Variants in CD48 observed in about 807,000 individuals in gnomAD.
CD48 encodes the protein CD48 molecule.
Under a neutral mutation model 22.0 loss-of-function variants are expected in CD48, and 20 were observed. That is an observed-to-expected ratio of 0.91 (90% CI 0.64 to 1.32). The LOEUF is 1.32. Among genes scored for constraint, CD48 ranks in the 40% most tolerant of loss-of-function variants. CD48 has a pLI of 0.00. For missense variants in CD48, 307 were observed against 286.5 expected, an observed-to-expected ratio of 1.07 and a Z score of -0.52; for synonymous variants, 110 against 110.1, an observed-to-expected ratio of 1.00 and a Z score of 0.01.
intron 3 of CD48, chr1:160,680,469 G>A (rs1226709035): frequency 5.9e-6 from 3 of 508,972 alleles, no homozygotes; most frequent in Non-Finnish European, 7.6e-6. Context: ...ATGACTTGGG[G>A]AAGCTAAGTA....
At position 160,693,962 on chromosome 1, in the gene CD48, A is replaced by G. The variant is rs368973329; in HGVS notation, c.83-8773T>C. Among the ~76,000 whole-genome samples, 5 of 152,376 alleles carry G rather than the reference A, an allele frequency of 3.3e-5. No homozygotes were observed. In the East Asian group the frequency reaches 7.7e-4, roughly 23 times the overall value. ...TGGCAGTGCAGCAGTAGATTTATGT[A>G]CTATACAAGCAGTCTCTCTGCTTCC... On this transcript the variant is annotated intron_variant, in intron 1 of 3. Coordinates refer to ENST00000368046, the MANE Select transcript of CD48 (RefSeq NM_001778.4).
chr1:160,694,141 G>T (rs1358570070), intron 1 of CD48, among the ~76,000 whole-genome samples: 2 of 152,202 alleles, frequency 1.3e-5, no homozygotes, highest in Admixed American at 6.5e-5. Flanking sequence ...AAATTCAATT[G>T]GTTATTAGCT....
intron 3 of CD48, chr1:160,680,754 C>T: frequency 1.9e-6 from 2 of 1,060,102 alleles, no homozygotes; most frequent in African/African-American, 1.7e-5. Flanking sequence ...GTCCCTCTTT[C>T]CCTGGCTGAC....
At chr1:160,690,947 G>A (rs543718784) in intron 1 of CD48, among the ~76,000 whole-genome samples, 1 of 152,158 alleles carries the variant, frequency 6.6e-6, no homozygotes, top group Non-Finnish European at 1.5e-5. Flanking sequence ...AACATGTGCT[G>A]TGTCAAACTC....
intron 1 of CD48, among the ~76,000 whole-genome samples, chr1:160,700,653 G>A (rs567506458): frequency 7.2e-5 from 11 of 152,166 alleles, no homozygotes; most frequent in African/African-American, 1.4e-4. Flanking sequence ...AAATCCTGGC[G>A]CTGTGGAGAT....
intron 2 of CD48, among the ~76,000 whole-genome samples, chr1:160,681,701 G>C (rs1558030147): frequency 6.6e-6 from 1 of 152,122 alleles, no homozygotes; most frequent in Non-Finnish European, 1.5e-5. Context: ...TCCTGGAGGG[G>C]GCGCCACAGT....
In CD48 at chr1:160,691,956, T is replaced by C. The variant is rs1662236935; in HGVS notation, c.83-6767A>G. The C allele has an allele frequency of 1.7e-5, 4 of 238,238 alleles. No homozygotes were observed. The Admixed American group carries it at 2.2e-4, about 13-fold the overall frequency. The allele number at this position is 238,238 out of a possible 1,614,324, so 14.8% of individuals were successfully genotyped here. A position where few individuals can be genotyped will look rare whatever the true frequency, so the allele number is the denominator to read the frequency against. ...CTTATCTTAGCTTCATTAAAATTCT[T>C]TTAAAAAGAGGGGGAGTTAGAGTAT... On this transcript the variant is annotated intron_variant, in intron 1 of 3. Transcript: ENST00000368046.
At chr1:160,711,550 C>A in intron 1 of CD48, 132 bp downstream of exon 1, 2 of 673,348 alleles carry the variant, frequency 3.0e-6, no homozygotes, top group Admixed American at 2.3e-5. Context: ...CATGGCCATG[C>A]TATTGGAATG....
At chr1:160,700,684 G>T (rs1446498367) in intron 1 of CD48, among the ~76,000 whole-genome samples, 1 of 152,130 alleles carries the variant, frequency 6.6e-6, no homozygotes, top group Non-Finnish European at 1.5e-5. Flanking sequence ...CCGCAACATA[G>T]AAATCAAGTT....
chr1:160,684,871 G>T lies in CD48; in HGVS notation c.385+16C>A. The T allele has an allele frequency of 6.2e-7, 1 of 1,613,864 alleles. No homozygotes were observed. Among genetic ancestry groups the T allele is most frequent in the South Asian group, 1.1e-5 (1 of 91,054 alleles). On this transcript the variant is annotated intron_variant, in intron 2 of 3. Coordinates refer to ENST00000368046, the MANE Select transcript of CD48 (RefSeq NM_001778.4). ...CCACTGGAGTGGGGATTTGCTCTTT[G>T]GCTCCCCTGACTCACCAAGCACTTG...
At chr1:160,688,761 C>T (rs1382249352) in intron 1 of CD48, among the ~76,000 whole-genome samples, 1 of 152,088 alleles carries the variant, frequency 6.6e-6, no homozygotes, top group African/African-American at 2.4e-5. Context: ...CCTTTATCTT[C>T]CCATTTTAAG....
At chr1:160,680,869 C>T in intron 3 of CD48, 2 of 1,353,280 alleles carry the variant, frequency 1.5e-6, no homozygotes, top group South Asian at 1.9e-5. Flanking sequence ...CTTCTCCCTG[C>T]TCACCCTGAT....
intron 3 of CD48, chr1:160,680,486 T>A: frequency 1.4e-6 from 1 of 710,262 alleles, no homozygotes. Flanking sequence ...AGTAACTTGT[T>A]TAGCTAGTAA....
chr1:160,681,502 G>A (rs752386470), intron 2 of CD48, 34 bp from the exon 3 acceptor site: 17 of 1,604,054 alleles, frequency 1.1e-5, no homozygotes, highest in South Asian at 7.8e-5. Flanking sequence ...AGATGAGACA[G>A]TGAGGCATTC....
At chr1:160,700,982 A>G (rs1195883799) in intron 1 of CD48, among the ~76,000 whole-genome samples, 3 of 151,982 alleles carry the variant, frequency 2.0e-5, no homozygotes, top group Admixed American at 6.6e-5. Context: ...CAATATAATG[A>G]TGAATATAGG....
chr1:160,701,235 G>GCATGCCAGA, intron 1 of CD48, among the ~76,000 whole-genome samples: 1 of 118,756 alleles, frequency 8.4e-6, no homozygotes, highest in African/African-American at 3.1e-5. Flanking sequence ...TTAAAGCCAG[G>GCATGCCAGA]TTGGACGGCC....
chr1:160,679,131 G>T lies in CD48; in HGVS notation c.653C>A (p.Ala218Asp), dbSNP rs1169775502. Residue 218 changes from alanine to aspartate, a missense_variant and splice_region_variant, in exon 4 of 4, where the codon GCC (alanine) becomes GAC (aspartate). Transcript: ENST00000368046. ...TVCLSPPCTLARSFGVEWIAS... is the reference protein window; with the variant it reads ...TVCLSPPCTLDRSFGVEWIAS... ...AATCCATTCTACTCCAAAGGACCGG[G>T]CTGAAAGAGCAAGAAAACCCTATAT... 6.2e-7 allele frequency: 1 copy of T among 1,613,800 alleles called. No individual in the cohort carries two copies. Among genetic ancestry groups the T allele is most frequent in the East Asian group, 2.2e-5 (1 of 44,896 alleles).
Position 160,679,145 on chromosome 1 carries a change from A to T in CD48, c.653-14T>A. 1.2e-6 allele frequency: 2 copies of T among 1,610,342 alleles called. No individual in the cohort carries two copies. Among genetic ancestry groups the T allele is most frequent in the Non-Finnish European group, 1.7e-6 (2 of 1,176,474 alleles). ...CAAAGGACCGGGCTGAAAGAGCAAG[A>T]AAACCCTATATGCTTAGGTATCTTT... On this transcript the variant is annotated splice_polypyrimidine_tract_variant and intron_variant, in intron 3 of 3. Transcript: ENST00000368046.
chr1:160,681,589 G>A (rs1027094727), intron 2 of CD48, 121 bp from the exon 3 acceptor site: 48 of 1,274,026 alleles, frequency 3.8e-5, no homozygotes, highest in Admixed American at 6.3e-5. Context: ...GCAGAGTCAT[G>A]AAGAAGAAGT....
Sources: allele counts gnomAD v4.1 joint callset (sites outside exome capture counted in the v4.1 genomes callset), GRCh38; gene constraint gnomAD v4.1.1; transcripts MANE v1.5; gene names NCBI Gene and HGNC (gene_info 2026-07-23, HGNC 2026-07-21).